The following MACROD2 variants were observed in gnomAD, a reference collection of about 807,000 sequenced individuals.
MACROD2 encodes mono-ADP ribosylhydrolase 2, also known as ADP-ribose glycohydrolase MACROD2.
A neutral mutation model predicts 70.4 loss-of-function variants in MACROD2; 36 were observed. The observed-to-expected ratio is 0.51, with a 90% confidence interval of 0.39 to 0.68. The LOEUF (loss-of-function observed/expected upper bound fraction) is 0.68. Ranked by LOEUF, MACROD2 falls within the 30% of genes least tolerant of loss-of-function variation. The pLI, the probability that MACROD2 is intolerant of heterozygous loss-of-function variation, is 0.00. For synonymous variants in MACROD2, 172 were observed against 178.8 expected (o/e 0.96, Z 0.30); for missense variants, 496 against 538.4 (o/e 0.92, Z 0.78).
intron 12 of MACROD2, among the ~76,000 whole-genome samples, chr20:15,964,353 G>C (rs1462968378): frequency 6.6e-6 from 1 of 152,116 alleles, no homozygotes; most frequent in Non-Finnish European, 1.5e-5. Flanking sequence ...TCGGTATCTG[G>C]TGAGAACTCA....
chr20:14,387,890 C>A (rs956989906), intron 3 of MACROD2, among the ~76,000 whole-genome samples: 1 of 152,160 alleles, frequency 6.6e-6, no homozygotes, highest in Non-Finnish European at 1.5e-5. Context: ...TCAGTGGAGA[C>A]ATCAATTCTT....
At chr20:14,257,673 A>T (rs986881953) in intron 3 of MACROD2, among the ~76,000 whole-genome samples, 1 of 152,170 alleles carries the variant, frequency 6.6e-6, no homozygotes, top group Admixed American at 6.6e-5. Context: ...TAACTTTTAA[A>T]ATTTATTTTT....
chr20:15,417,044 G>A (rs578053743), intron 6 of MACROD2, among the ~76,000 whole-genome samples: 70 of 152,280 alleles, frequency 4.6e-4, no homozygotes, highest in African/African-American at 1.6e-3. Context: ...CACTTCAAGG[G>A]ATAAAACAGA....
At chr20:15,132,479 C>T (rs920426916) in intron 5 of MACROD2, among the ~76,000 whole-genome samples, 2 of 151,838 alleles carry the variant, frequency 1.3e-5, no homozygotes, top group Admixed American at 1.3e-4. Flanking sequence ...TATTGCAATA[C>T]CTTAGGCCAT....
At chr20:14,661,980 A>G (rs1018058644) in intron 4 of MACROD2, among the ~76,000 whole-genome samples, 3 of 152,144 alleles carry the variant, frequency 2.0e-5, no homozygotes, top group Non-Finnish European at 2.9e-5. Context: ...GGTTATTGCA[A>G]TAAGTTCCAG....
intron 5 of MACROD2, among the ~76,000 whole-genome samples, chr20:15,073,338 A>G (rs1034114577): frequency 4.6e-5 from 7 of 152,254 alleles, no homozygotes; most frequent in African/African-American, 1.4e-4. Context: ...CATTCTCACT[A>G]CTAGAAACAC....
Position 14,655,594 on chromosome 20 carries a change from C to G in MACROD2, c.302-29249C>G, listed in dbSNP as rs142832735. Among the ~76,000 whole-genome samples the G allele has an allele frequency of 3.1e-3, 477 of 152,092 alleles. 3 individuals are homozygous for G. Among genetic ancestry groups the G allele is most frequent in the Middle Eastern group, 0.017 (5 of 294 alleles). ...CTAAGCTATAAGAGGAATTTTTTAG[C>G]TTATTTTTGCTTTGAGTCTGTTTTT... On this transcript the variant is annotated intron_variant, in intron 4 of 17. Coordinates refer to ENST00000684519, the MANE Select transcript of MACROD2 (RefSeq NM_001351661.2).
At chr20:15,648,293 T>G (rs980279254) in intron 8 of MACROD2, among the ~76,000 whole-genome samples, 7 of 152,230 alleles carry the variant, frequency 4.6e-5, no homozygotes, top group African/African-American at 1.4e-4. Flanking sequence ...AAGCATCATC[T>G]CACTCTACAT....
rs149156038 is a variant in MACROD2, at chr20:15,494,236, G to A, written c.572-5538G>A. ...TTTTACACTTTCATATACTTCTGGT[G>A]GGAGTGTTATTGGCACAGCTGCTTT... On this transcript the variant is annotated intron_variant, in intron 7 of 17. Transcript: ENST00000684519. Among the ~76,000 whole-genome samples the A allele has an allele frequency of 2.6e-3, 400 of 152,238 alleles. 2 individuals are homozygous for A. The highest frequency in any genetic ancestry group is 9.2e-3 in the African/African-American group (384 of 41,536).
intron 4 of MACROD2, among the ~76,000 whole-genome samples, chr20:14,631,598 G>A (rs1286494003): frequency 2.6e-5 from 4 of 151,994 alleles, no homozygotes; most frequent in African/African-American, 9.7e-5. Flanking sequence ...GTGAAACCCC[G>A]TCTCTACTAA....
At chr20:15,111,231 G>T (rs1431946105) in intron 5 of MACROD2, among the ~76,000 whole-genome samples, 5 of 148,844 alleles carry the variant, frequency 3.4e-5, no homozygotes, top group Non-Finnish European at 5.9e-5. Flanking sequence ...GGGGTGCAGT[G>T]GCGCAATCTC....
chr20:14,378,546 T>G (rs985207894), intron 3 of MACROD2, among the ~76,000 whole-genome samples: 4 of 152,192 alleles, frequency 2.6e-5, no homozygotes, highest in Non-Finnish European at 5.9e-5. Context: ...CTCTCTTCCC[T>G]TACTCCCAAG....
chr20:15,332,553 G>T (rs1235768703), intron 6 of MACROD2, among the ~76,000 whole-genome samples: 1 of 151,456 alleles, frequency 6.6e-6, no homozygotes, highest in Admixed American at 6.6e-5. Flanking sequence ...CAAATGTACA[G>T]TATTCACATT....
intron 3 of MACROD2, among the ~76,000 whole-genome samples, chr20:14,336,305 T>A (rs2082935331): frequency 6.6e-6 from 1 of 152,026 alleles, no homozygotes. Context: ...CCATTAGAGA[T>A]TTTGGACTAA....
At chr20:15,620,534 C>T (rs2049110446) in intron 8 of MACROD2, among the ~76,000 whole-genome samples, 3 of 152,150 alleles carry the variant, frequency 2.0e-5, no homozygotes, top group Admixed American at 2.0e-4. Flanking sequence ...AACAATATGT[C>T]AGCTATGAAG....
At position 16,052,064 on chromosome 20, in the gene MACROD2, A is replaced by G. The variant is rs1048858349; in HGVS notation, c.*2188A>G. 6 of 152,202 alleles carry G rather than the reference A, an allele frequency of 3.9e-5. No individual in the cohort carries two copies. The highest frequency in any genetic ancestry group is 2.6e-4 in the Admixed American group (4 of 15,276). 9.4% of individuals were successfully genotyped at this position (152,202 alleles called of 1,614,324 possible). ...TAAAAATTCTAGAAGAATGAAAGTA[A>G]TCTTTGTATCCAGGAAACTAAGAGA... On this transcript the variant is annotated 3_prime_UTR_variant, in exon 18 of 18. Transcript: ENST00000684519.
intron 8 of MACROD2, among the ~76,000 whole-genome samples, chr20:15,837,365 C>T (rs769926057): frequency 3.9e-5 from 6 of 152,052 alleles, no homozygotes; most frequent in Non-Finnish European, 8.8e-5. Flanking sequence ...CCCTTTTCTC[C>T]GTGTGGGAAT....
intron 12 of MACROD2, among the ~76,000 whole-genome samples, chr20:15,950,970 G>C (rs951805369): frequency 3.9e-5 from 6 of 152,168 alleles, no homozygotes; most frequent in Non-Finnish European, 7.4e-5. Flanking sequence ...CTTTCTAAAA[G>C]TCATACAAAA....
chr20:14,426,507 C>A lies in MACROD2; in HGVS notation c.272-66972C>A, dbSNP rs1241202660. ...AATTTTTAATCTTTCATATTAGTGA[C>A]TTTCCTCAGATGTCTTGTAGTCTTT... is the stretch of plus-strand genomic sequence containing the variant. On this transcript the variant is annotated intron_variant, in intron 3 of 17. Transcript: ENST00000684519. Among the ~76,000 whole-genome samples, 23 of 152,068 alleles carry A rather than the reference C, an allele frequency of 1.5e-4. 1 individual carries two copies.
Sources: gnomAD v4.1 joint callset for allele counts (sites outside exome capture counted in the v4.1 genomes callset) on GRCh38, gnomAD v4.1.1 for gene constraint, MANE v1.5 for transcripts, NCBI Gene and HGNC (gene_info 2026-07-23, HGNC 2026-07-21) for gene names.